Variants in ST8SIA4 observed in about 807,000 individuals in gnomAD.
ST8SIA4 encodes the protein ST8 alpha-N-acetyl-neuraminide alpha-2,8-sialyltransferase 4, also known as CMP-N-acetylneuraminate-poly-alpha-2,8-sialyltransferase.
In ST8SIA4, 15 loss-of-function variants were observed where a neutral mutation model predicts 33.9. The observed-to-expected ratio is 0.44, with a 90% CI of 0.30 to 0.68. ST8SIA4 has a LOEUF of 0.68. ST8SIA4 is among the 30% of genes least tolerant of loss of function. The probability of loss-of-function intolerance (pLI) is 0.10; values close to 1 mark genes in which losing one functional copy is unlikely to be tolerated. For synonymous variants in ST8SIA4, 171 were observed against 151.2 expected, an observed-to-expected ratio of 1.13 and a Z score of -0.96; for missense variants, 321 against 428.0, an observed-to-expected ratio of 0.75 and a Z score of 2.21.
At chr5:100,848,255 TA>T (rs1341919355) in intron 4 of ST8SIA4, among the ~76,000 whole-genome samples, 1 of 151,564 alleles carries the variant, frequency 6.6e-6, no homozygotes, top group African/African-American at 2.4e-5. Context: ...GTACCATTAT[TA>T]CAAGAAAATC....
chr5:100,832,882 G>A (rs550106217), intron 4 of ST8SIA4, among the ~76,000 whole-genome samples: 76 of 151,974 alleles, frequency 5.0e-4, no homozygotes, highest in Middle Eastern at 3.4e-3. Flanking sequence ...ACCACCTTCC[G>A]TTAAGAAAAT....
At chr5:100,843,222 T>A (rs1201870619) in intron 4 of ST8SIA4, among the ~76,000 whole-genome samples, 2 of 151,912 alleles carry the variant, frequency 1.3e-5, no homozygotes, top group Admixed American at 1.3e-4. Flanking sequence ...AAAGGCAATA[T>A]TTTCTTTAGG....
intron 4 of ST8SIA4, among the ~76,000 whole-genome samples, chr5:100,814,539 A>G (rs758773013): frequency 1.2e-4 from 19 of 152,014 alleles, no homozygotes; most frequent in Non-Finnish European, 2.4e-4. Flanking sequence ...AAAGTGTCAC[A>G]GAAAGATACA....
intron 4 of ST8SIA4, among the ~76,000 whole-genome samples, chr5:100,842,046 A>G (rs1038622872): frequency 4.0e-5 from 6 of 151,868 alleles, no homozygotes; most frequent in Non-Finnish European, 7.4e-5. Context: ...TACAGCAGGA[A>G]CACTTCTATT....
chr5:100,834,884 C>T (rs938563064), intron 4 of ST8SIA4, among the ~76,000 whole-genome samples: 3 of 152,086 alleles, frequency 2.0e-5, no homozygotes, highest in African/African-American at 7.2e-5. Flanking sequence ...GCCTGCAGAA[C>T]CATGAACCAA....
chr5:100,885,761 G>T, intron 3 of ST8SIA4: 3 of 939,998 alleles, frequency 3.2e-6, no homozygotes, highest in Non-Finnish European at 3.8e-6. Flanking sequence ...TCTTTTAACC[G>T]TTAATGAAAA....
Position 100,882,324 on chromosome 5 carries a change from C to A in ST8SIA4, c.503+4019G>T, listed in dbSNP as rs568231458. Among the ~76,000 whole-genome samples, 20 of 152,246 alleles carry A rather than the reference C, an allele frequency of 1.3e-4. No individual in the cohort carries two copies. In the South Asian group the frequency reaches 3.3e-3, roughly 25 times the overall value. Reference sequence around the variant, plus strand: ...GCCCCTGCCCTAGAGATTGGTGGAACTTTGAACTTGAGAGAGATGATTTAG... The same window carrying A: ...GCCCCTGCCCTAGAGATTGGTGGAAATTTGAACTTGAGAGAGATGATTTAG... On this transcript the variant is annotated intron_variant, in intron 3 of 4. Transcript: ENST00000231461.
intron 4 of ST8SIA4, among the ~76,000 whole-genome samples, chr5:100,843,670 T>C (rs1302958424): frequency 1.3e-5 from 2 of 151,930 alleles, no homozygotes; most frequent in African/African-American, 4.8e-5. Context: ...AATTTTTTGT[T>C]ACTGAGCTTA....
chr5:100,835,426 T>C (rs571713083), intron 4 of ST8SIA4, among the ~76,000 whole-genome samples: 1 of 152,284 alleles, frequency 6.6e-6, no homozygotes, highest in African/African-American at 2.4e-5. Flanking sequence ...AAATCTTTTT[T>C]TTCAACCAAA....
chr5:100,873,597 G>A (rs1009922266), intron 3 of ST8SIA4, among the ~76,000 whole-genome samples: 2 of 152,112 alleles, frequency 1.3e-5, no homozygotes, highest in Non-Finnish European at 2.9e-5. Flanking sequence ...CAAAGACAGT[G>A]CAGGGCCAGA....
chr5:100,885,694 T>A (rs58824079), intron 3 of ST8SIA4: 2 of 941,282 alleles, frequency 2.1e-6, no homozygotes, highest in Non-Finnish European at 2.5e-6. Context: ...TAATTCCATT[T>A]CTACTGTTGA....
intron 3 of ST8SIA4, among the ~76,000 whole-genome samples, chr5:100,876,590 A>G (rs1580476904): frequency 6.6e-6 from 1 of 152,098 alleles, no homozygotes; most frequent in Non-Finnish European, 1.5e-5. Flanking sequence ...TTTCTTTGAA[A>G]CATGGTATTT....
At chr5:100,822,480 T>C (rs1251106527) in intron 4 of ST8SIA4, among the ~76,000 whole-genome samples, 1 of 152,212 alleles carries the variant, frequency 6.6e-6, no homozygotes, top group East Asian at 1.9e-4. Flanking sequence ...CCTTGCAATG[T>C]CTGTGTTTCA....
At chr5:100,871,889 T>G (rs1015656274) in intron 3 of ST8SIA4, among the ~76,000 whole-genome samples, 2 of 152,124 alleles carry the variant, frequency 1.3e-5, no homozygotes, top group African/African-American at 4.8e-5. Context: ...ATTACATTTA[T>G]AGTAATTAAT....
intron 4 of ST8SIA4, among the ~76,000 whole-genome samples, chr5:100,829,737 G>A (rs536374752): frequency 3.0e-4 from 45 of 152,056 alleles, no homozygotes; most frequent in Admixed American, 7.2e-4. Context: ...GTGAAACCCC[G>A]TCTCTACTAA....
chr5:100,881,938 C>A (rs1459588941), intron 3 of ST8SIA4, among the ~76,000 whole-genome samples: 1 of 152,184 alleles, frequency 6.6e-6, no homozygotes, highest in Non-Finnish European at 1.5e-5. Flanking sequence ...TCCAATTAAA[C>A]CTCTTTTTCT....
Position 100,811,973 on chromosome 5 carries a change from A to G in ST8SIA4, c.954T>C (p.Asp318=), listed in dbSNP as rs781758515. 3 of 1,614,016 alleles carry G rather than the reference A, an allele frequency of 1.9e-6. No homozygotes were observed. In the African/African-American group the frequency reaches 4.0e-5, roughly 22 times the overall value. The change falls in exon 5 of 5, where the codon GAT becomes GAC. Residue 318 remains aspartate (D), a synonymous_variant. Coordinates refer to ENST00000231461, the MANE Select transcript of ST8SIA4 (RefSeq NM_005668.6). ...TGGAAAAGTACCTATATTTTAAGTC[A>G]TCATAATAATGATATTTGACCGCTT... ...NGKAVKYHYY[D]DLKYRYFSNA...
intron 4 of ST8SIA4, among the ~76,000 whole-genome samples, chr5:100,823,589 T>G (rs1391339981): frequency 2.0e-5 from 3 of 152,368 alleles, no homozygotes; most frequent in Admixed American, 6.5e-5. Flanking sequence ...CTCTTATCTT[T>G]GTTTATAATT....
intron 1 of ST8SIA4, among the ~76,000 whole-genome samples, chr5:100,902,282 C>G (rs561643829): frequency 1.4e-4 from 22 of 151,988 alleles, no homozygotes; most frequent in African/African-American, 5.3e-4. Context: ...GCGTTTTAGC[C>G]GTAGAAGAAC....
Sources: allele counts gnomAD v4.1 joint callset (sites outside exome capture counted in the v4.1 genomes callset), GRCh38; gene constraint gnomAD v4.1.1; transcripts MANE v1.5; gene names NCBI Gene and HGNC (gene_info 2026-07-23, HGNC 2026-07-21).